The following JAZF1 variants were observed in gnomAD, a reference collection of about 807,000 sequenced individuals.
JAZF1 encodes the protein juxtaposed with another zinc finger protein 1.
In JAZF1, 8 loss-of-function variants were observed where a neutral mutation model predicts 26.4. The ratio of observed to expected loss-of-function variants is 0.30; its 90% CI spans 0.18 to 0.55. The LOEUF is 0.55. JAZF1 is among the 20% of genes least tolerant of loss of function. JAZF1 has a pLI of 0.94. For synonymous variants in JAZF1, 126 were observed against 122.3 expected (o/e 1.03, Z -0.20); for missense variants, 199 against 322.0 (o/e 0.62, Z 2.92).
At chr7:28,076,661 C>T (rs988821284) in intron 1 of JAZF1, among the ~76,000 whole-genome samples, 3 of 144,190 alleles carry the variant, frequency 2.1e-5, no homozygotes, top group African/African-American at 7.7e-5. Flanking sequence ...GTATTATGTT[C>T]ATAGTTTTTC....
At chr7:28,121,739 GCA>G (rs1223000152) in intron 1 of JAZF1, among the ~76,000 whole-genome samples, 1 of 152,210 alleles carries the variant, frequency 6.6e-6, no homozygotes. Flanking sequence ...AAAAGTGATA[GCA>G]CTTAATTGGG....
At chr7:28,062,398 C>T (rs539809294) in intron 1 of JAZF1, among the ~76,000 whole-genome samples, 9 of 152,234 alleles carry the variant, frequency 5.9e-5, no homozygotes, top group African/African-American at 1.7e-4. Context: ...TGTCCTTCAG[C>T]GGTGCATGTA....
chr7:28,139,789 A>G (rs1224580265), intron 1 of JAZF1, among the ~76,000 whole-genome samples: 3 of 152,206 alleles, frequency 2.0e-5, no homozygotes, highest in Non-Finnish European at 4.4e-5. Context: ...TTTACTGAGG[A>G]TCCACTAAAC....
At chr7:27,987,978 G>A (rs919314715) in intron 2 of JAZF1, among the ~76,000 whole-genome samples, 2 of 152,116 alleles carry the variant, frequency 1.3e-5, no homozygotes, top group Non-Finnish European at 2.9e-5. Flanking sequence ...TTAAACAGAG[G>A]CTTGAAGGCA....
chr7:27,909,388 T>A (rs901784967), intron 2 of JAZF1, among the ~76,000 whole-genome samples: 8 of 119,926 alleles, frequency 6.7e-5, no homozygotes. Context: ...TTAAACTTTT[T>A]ATTAGGCATA....
chr7:27,878,829 G>GC (rs1357380184), intron 3 of JAZF1, among the ~76,000 whole-genome samples: 1 of 152,168 alleles, frequency 6.6e-6, no homozygotes. Flanking sequence ...GGTGGAAACA[G>GC]CCCCCTTCCG....
intron 1 of JAZF1, among the ~76,000 whole-genome samples, chr7:28,175,407 A>G (rs1783534141): frequency 6.6e-6 from 1 of 152,248 alleles, no homozygotes; most frequent in Non-Finnish European, 1.5e-5. Flanking sequence ...TATTTAGCAG[A>G]TACACAAATG....
At chr7:28,119,398 T>C (rs1784802205) in intron 1 of JAZF1, among the ~76,000 whole-genome samples, 1 of 152,146 alleles carries the variant, frequency 6.6e-6, no homozygotes, top group Non-Finnish European at 1.5e-5. Flanking sequence ...ATTTTCCAAC[T>C]TATCTGGACT....
At chr7:27,878,874 A>G (rs1783723553) in intron 3 of JAZF1, among the ~76,000 whole-genome samples, 1 of 152,204 alleles carries the variant, frequency 6.6e-6, no homozygotes, top group South Asian at 2.1e-4. Context: ...TTACCAGGCA[A>G]CAACTACTGA....
chr7:28,126,314 T>C (rs571917191), intron 1 of JAZF1, among the ~76,000 whole-genome samples: 1 of 152,280 alleles, frequency 6.6e-6, no homozygotes, highest in Admixed American at 6.5e-5. Flanking sequence ...AAGTTCCTAC[T>C]CTCACCCTAG....
rs1343106806 is a variant in JAZF1 at position 28,146,851 on chromosome 7, GTGGTTTTTTTT to G, written c.115+33601_115+33611del. Among the ~76,000 whole-genome samples the G allele has an allele frequency of 5.4e-5, 8 of 149,022 alleles. No homozygotes were observed. In the East Asian group the frequency reaches 9.8e-4, roughly 18 times the overall value. On this transcript the variant is annotated intron_variant, in intron 1 of 4. Coordinates refer to ENST00000283928, the MANE Select transcript of JAZF1 (RefSeq NM_175061.4). ...TTTTTGCTTTTTTTGTTTCGTTTTG[GTGGTTTTTTTT>G]TGTTTTTTTTTTTTGAGAGAGTCTC...
chr7:27,978,357 G>A (rs369619613), intron 2 of JAZF1, among the ~76,000 whole-genome samples: 1 of 152,192 alleles, frequency 6.6e-6, no homozygotes. Flanking sequence ...GGGAAAAACA[G>A]TGATAGTTTC....
intron 3 of JAZF1, among the ~76,000 whole-genome samples, chr7:27,880,797 T>C (rs1291573675): frequency 1.3e-5 from 2 of 152,154 alleles, no homozygotes; most frequent in Non-Finnish European, 2.9e-5. Context: ...CCTGAGTAGC[T>C]AGGACCACAG....
chr7:28,099,500 G>C (rs1784435795), intron 1 of JAZF1, among the ~76,000 whole-genome samples: 2 of 151,946 alleles, frequency 1.3e-5, no homozygotes, highest in Admixed American at 6.6e-5. Flanking sequence ...TTTTGAGACA[G>C]AGTTTCGCTC....
Position 28,115,892 on chromosome 7 carries a change from A to G in JAZF1, c.115+64571T>C, listed in dbSNP as rs1053355451. Among the ~76,000 whole-genome samples, 11 of 151,534 alleles carry G rather than the reference A, an allele frequency of 7.3e-5. No individual in the cohort carries two copies. The East Asian group carries it at 1.9e-3, about 27-fold the overall frequency. ...CTTTCTACATCAAAGGGAGCATACT[A>G]TATATGGTTCTATACTTTGGTGGGG... On this transcript the variant is annotated intron_variant, in intron 1 of 4. Transcript: ENST00000283928.
At chr7:27,896,079 A>G (rs1047336382) in intron 2 of JAZF1, among the ~76,000 whole-genome samples, 11 of 152,178 alleles carry the variant, frequency 7.2e-5, no homozygotes, top group African/African-American at 2.4e-4. Flanking sequence ...AGATTCCAGA[A>G]GAAGGGAAGA....
intron 3 of JAZF1, among the ~76,000 whole-genome samples, chr7:27,866,113 A>G (rs75969001): frequency 0.076 from 11,521 of 152,336 alleles, 636 homozygotes; most frequent in Middle Eastern, 0.12. Context: ...GAGTGAGGGC[A>G]GCACTGCCGG....
chr7:28,083,135 T>C (rs1784162545), intron 1 of JAZF1, among the ~76,000 whole-genome samples: 1 of 152,180 alleles, frequency 6.6e-6, no homozygotes, highest in African/African-American at 2.4e-5. Flanking sequence ...TTCTGGTAAG[T>C]TTTGCCTGAA....
chr7:27,893,504 TG>T (rs1784009820), intron 3 of JAZF1, among the ~76,000 whole-genome samples: 1 of 152,216 alleles, frequency 6.6e-6, no homozygotes, highest in East Asian at 1.9e-4. Flanking sequence ...CCTGCCAGGC[TG>T]TCCCCCTCCA....
Sources: allele counts gnomAD v4.1 joint callset (sites outside exome capture counted in the v4.1 genomes callset), GRCh38; gene constraint gnomAD v4.1.1; transcripts MANE v1.5; gene names NCBI Gene and HGNC (gene_info 2026-07-23, HGNC 2026-07-21).